VAV3: variants seen among roughly 807,000 people sequenced by gnomAD.
VAV3 encodes vav guanine nucleotide exchange factor 3.
VAV3 carries 94 observed loss-of-function variants against 131.2 expected under a neutral mutation model. The observed-to-expected ratio is 0.72, with a 90% CI of 0.61 to 0.85. VAV3 has a LOEUF of 0.85. Among genes scored for constraint, VAV3 ranks in the 40% least tolerant of loss-of-function variants. The probability of loss-of-function intolerance (pLI) is 0.00; values close to 1 mark genes in which losing one functional copy is unlikely to be tolerated. For missense variants in VAV3, 939 were observed against 1,002.7 expected, an observed-to-expected ratio of 0.94 and a Z score of 0.86; for synonymous variants, 349 against 342.0, an observed-to-expected ratio of 1.02 and a Z score of -0.22.
At chr1:107,612,895 G>A (rs541981207) in intron 21 of VAV3, among the ~76,000 whole-genome samples, 4 of 152,192 alleles carry the variant, frequency 2.6e-5, no homozygotes, top group Admixed American at 1.3e-4. Context: ...TACCCTGCAT[G>A]GTACAATCCA....
intron 2 of VAV3, among the ~76,000 whole-genome samples, chr1:107,828,366 G>C (rs1157846470): frequency 6.6e-6 from 1 of 152,124 alleles, no homozygotes; most frequent in Non-Finnish European, 1.5e-5. Flanking sequence ...CTCTAACATA[G>C]TGAGTATATT....
At chr1:107,791,299 T>C (rs1485439312) in intron 2 of VAV3, among the ~76,000 whole-genome samples, 1 of 151,694 alleles carries the variant, frequency 6.6e-6, no homozygotes, top group Non-Finnish European at 1.5e-5. Context: ...TTAAGGAGGG[T>C]AGTAACACAT....
chr1:107,816,862 C>G (rs970608002), intron 2 of VAV3, among the ~76,000 whole-genome samples: 1 of 152,200 alleles, frequency 6.6e-6, no homozygotes, highest in Non-Finnish European at 1.5e-5. Flanking sequence ...CCAAATCACA[C>G]AGAACACCAT....
At chr1:107,944,878 T>G (rs905435516) in intron 1 of VAV3, among the ~76,000 whole-genome samples, 2 of 152,144 alleles carry the variant, frequency 1.3e-5, no homozygotes, top group South Asian at 4.1e-4. Flanking sequence ...AGTGCTAGGA[T>G]TACAGGAATG....
chr1:107,942,200 T>C (rs1048159050), intron 1 of VAV3, among the ~76,000 whole-genome samples: 1 of 152,204 alleles, frequency 6.6e-6, no homozygotes, highest in Non-Finnish European at 1.5e-5. Flanking sequence ...TTGATATTGC[T>C]ATCCCAGGGT....
At chr1:107,792,528 T>C (rs906627575) in intron 2 of VAV3, among the ~76,000 whole-genome samples, 2 of 152,204 alleles carry the variant, frequency 1.3e-5, no homozygotes, top group African/African-American at 4.8e-5. Flanking sequence ...AAGCCACTAG[T>C]ACTGTTTACT....
At chr1:107,705,618 A>C (rs548820936) in intron 15 of VAV3, among the ~76,000 whole-genome samples, 2 of 152,130 alleles carry the variant, frequency 1.3e-5, no homozygotes, top group African/African-American at 4.8e-5. Context: ...AAACAAAATA[A>C]TTTTACCATT....
At chr1:107,692,509 C>T (rs553812260) in intron 17 of VAV3, among the ~76,000 whole-genome samples, 3 of 152,176 alleles carry the variant, frequency 2.0e-5, no homozygotes, top group Non-Finnish European at 4.4e-5. Context: ...AATGGTCAAT[C>T]TTCAGCTCAC....
chr1:107,757,133 G>A, intron 11 of VAV3, 128 bp downstream of exon 11: 1 of 580,622 alleles, frequency 1.7e-6, no homozygotes, highest in South Asian at 3.1e-5. Context: ...ATATATGTTT[G>A]TGTATATATA....
chr1:107,763,791 G>A (rs1413098624), intron 9 of VAV3, among the ~76,000 whole-genome samples: 1 of 152,186 alleles, frequency 6.6e-6, no homozygotes, highest in Non-Finnish European at 1.5e-5. Context: ...CTTTGTGGGA[G>A]TTGTGAGCTA....
chr1:107,714,247 A>T (rs1261278808), intron 15 of VAV3, among the ~76,000 whole-genome samples: 1 of 152,130 alleles, frequency 6.6e-6, no homozygotes, highest in Non-Finnish European at 1.5e-5. Context: ...TGGACCATGC[A>T]TCTAACTTAC....
chr1:107,776,698 C>A (rs188736466), intron 4 of VAV3, among the ~76,000 whole-genome samples: 2 of 152,184 alleles, frequency 1.3e-5, no homozygotes, highest in Non-Finnish European at 2.9e-5. Context: ...GTAACGATCA[C>A]GCATATATTT....
At chr1:107,945,725 G>C (rs924975267) in intron 1 of VAV3, among the ~76,000 whole-genome samples, 2 of 151,832 alleles carry the variant, frequency 1.3e-5, no homozygotes, top group Non-Finnish European at 2.9e-5. Context: ...AAGAGGCTGA[G>C]GCGGGAGAAT....
At chr1:107,952,422 C>A (rs1282239288) in intron 1 of VAV3, among the ~76,000 whole-genome samples, 2 of 146,012 alleles carry the variant, frequency 1.4e-5, no homozygotes, top group African/African-American at 5.1e-5. Flanking sequence ...CACACGTTTA[C>A]CTATGTAACA....
At chr1:107,616,083 A>G (rs913232778) in intron 21 of VAV3, among the ~76,000 whole-genome samples, 1 of 152,218 alleles carries the variant, frequency 6.6e-6, no homozygotes, top group African/African-American at 2.4e-5. Context: ...CTTTTGAGCC[A>G]GCAATCCCAT....
intron 22 of VAV3, among the ~76,000 whole-genome samples, chr1:107,603,428 C>T (rs2101109165): frequency 6.6e-6 from 1 of 152,162 alleles, no homozygotes; most frequent in South Asian, 2.1e-4. Context: ...ACAGAGGAGT[C>T]AGTGGGTATT....
At chr1:107,766,207 C>CA (rs1304522060) in intron 8 of VAV3, among the ~76,000 whole-genome samples, 3 of 151,964 alleles carry the variant, frequency 2.0e-5, no homozygotes, top group Admixed American at 6.6e-5. Context: ...ATTTGCGATG[C>CA]AAAAAAATAA....
intron 1 of VAV3, among the ~76,000 whole-genome samples, chr1:107,930,384 T>C (rs1673370323): frequency 6.6e-6 from 1 of 152,054 alleles, no homozygotes. Context: ...ATTGAATATA[T>C]ATAAAGACCC....
chr1:107,958,628 ATTTTT>A (rs768505624), intron 1 of VAV3, among the ~76,000 whole-genome samples: 1 of 144,582 alleles, frequency 6.9e-6, no homozygotes, highest in African/African-American at 2.7e-5. Flanking sequence ...AATTTTACTT[ATTTTT>A]TTTTATCATT....
Sources: allele counts gnomAD v4.1 joint callset (sites outside exome capture counted in the v4.1 genomes callset), GRCh38; gene constraint gnomAD v4.1.1; transcripts MANE v1.5; gene names NCBI Gene and HGNC (gene_info 2026-07-23, HGNC 2026-07-21).